LYPD6B: variants seen among roughly 807,000 people sequenced by gnomAD.
LYPD6B encodes the protein ly6/PLAUR domain-containing protein 6B.
Under a neutral mutation model 22.8 loss-of-function variants are expected in LYPD6B, and 17 were observed. That is an observed-to-expected ratio of 0.75 (90% CI 0.51 to 1.12). The LOEUF is 1.12. Among genes scored for constraint, LYPD6B ranks in the 50% most tolerant of loss-of-function variants. LYPD6B has a pLI of 0.00. For missense variants in LYPD6B, 221 were observed against 258.3 expected, an observed-to-expected ratio of 0.86 and a Z score of 0.99; for synonymous variants, 106 against 91.6, an observed-to-expected ratio of 1.16 and a Z score of -0.90.
rs141169878 is a variant in LYPD6B at position 149,117,969 on chromosome 2, C to A, written c.-66-12914C>A. Among the ~76,000 whole-genome samples, 670 of 152,272 alleles carry A rather than the reference C, an allele frequency of 4.4e-3. 9 individuals carry two copies. Among genetic ancestry groups the A allele is most frequent in the African/African-American group, 0.015 (629 of 41,546 alleles). ...CATCTGAAGGCTGGAGGATTTATTT[C>A]TAAGCTGGCAGTTGGTGTTAGCAAA... On this transcript the variant is annotated intron_variant, in intron 1 of 6. Coordinates refer to ENST00000409642, the MANE Select transcript of LYPD6B (RefSeq NM_177964.5).
chr2:149,095,661 C>A (rs1685869902), intron 1 of LYPD6B, among the ~76,000 whole-genome samples: 1 of 151,780 alleles, frequency 6.6e-6, no homozygotes, highest in Non-Finnish European at 1.5e-5. Flanking sequence ...CAGGATGGAG[C>A]AAGAGATCTC....
intron 2 of LYPD6B, among the ~76,000 whole-genome samples, chr2:149,144,124 T>A (rs535042080): frequency 6.6e-6 from 1 of 152,350 alleles, no homozygotes; most frequent in East Asian, 1.9e-4. Context: ...AAATGATGAC[T>A]TCTGCCTCAG....
In LYPD6B at chr2:149,110,500, A is replaced by G. The variant is rs182058874; in HGVS notation, c.-66-20383A>G. 3.9e-5 allele frequency among the ~76,000 whole-genome samples: 6 copies of G among 152,168 alleles called. No individual in the cohort carries two copies. The East Asian group carries it at 9.7e-4, about 25-fold the overall frequency. ...TCTTGGAAATCTTGACATTCTTTTAATGTTTGCTAGGCAGGATCATAGCAG... is the reference window on the plus strand; with the variant it reads ...TCTTGGAAATCTTGACATTCTTTTAGTGTTTGCTAGGCAGGATCATAGCAG... On this transcript the variant is annotated intron_variant, in intron 1 of 6. Transcript: ENST00000409642.
chr2:149,194,260 A>G (rs932539055), intron 3 of LYPD6B, among the ~76,000 whole-genome samples: 9 of 152,142 alleles, frequency 5.9e-5, no homozygotes, highest in Non-Finnish European at 1.0e-4. Context: ...CTTCATAGTA[A>G]AGAGGCTACT....
At chr2:149,210,944 A>G (rs1693810597) in intron 5 of LYPD6B, among the ~76,000 whole-genome samples, 1 of 152,220 alleles carries the variant, frequency 6.6e-6, no homozygotes, top group African/African-American at 2.4e-5. Context: ...TATAAAGAAA[A>G]GAGATTTAAT....
chr2:149,165,595 G>T (rs1690367809), intron 3 of LYPD6B, among the ~76,000 whole-genome samples: 1 of 152,124 alleles, frequency 6.6e-6, no homozygotes. Context: ...GAGTCCTTTA[G>T]ATATCATAAC....
chr2:149,124,091 G>A (rs962887841), intron 1 of LYPD6B, among the ~76,000 whole-genome samples: 1 of 152,160 alleles, frequency 6.6e-6, no homozygotes, highest in Non-Finnish European at 1.5e-5. Context: ...TAACCAAACA[G>A]CATACTGAAC....
chr2:149,156,214 A>C (rs1453528446), intron 2 of LYPD6B, among the ~76,000 whole-genome samples: 1 of 152,196 alleles, frequency 6.6e-6, no homozygotes, highest in Non-Finnish European at 1.5e-5. Flanking sequence ...TGGGGAAGGC[A>C]GTGGTCTCCT....
At chr2:149,146,234 A>G (rs1340379019) in intron 2 of LYPD6B, among the ~76,000 whole-genome samples, 1 of 152,178 alleles carries the variant, frequency 6.6e-6, no homozygotes. Context: ...TGAAGAGTGG[A>G]CTGTTCTGTG....
chr2:149,047,215 T>G (rs62182717), intron 1 of LYPD6B, among the ~76,000 whole-genome samples: 76,402 of 151,882 alleles, frequency 0.5, 21,579 homozygotes, highest in Non-Finnish European at 0.62. Context: ...TAATTTAACA[T>G]TTGTTGTAGT....
At chr2:149,184,982 G>A (rs1691994140) in intron 3 of LYPD6B, among the ~76,000 whole-genome samples, 1 of 152,030 alleles carries the variant, frequency 6.6e-6, no homozygotes. Flanking sequence ...TCTCTTCTTT[G>A]TTCATTCCAA....
chr2:149,132,802 A>AC (rs1216235694), intron 2 of LYPD6B, among the ~76,000 whole-genome samples: 1 of 152,214 alleles, frequency 6.6e-6, no homozygotes, highest in African/African-American at 2.4e-5. Context: ...GGTAGCAAGC[A>AC]CCAACACAGA....
chr2:149,173,349 C>CTTTTTTTTTTTTTTT lies in LYPD6B; in HGVS notation c.77+12520_77+12534dup, dbSNP rs67113716. Among the ~76,000 whole-genome samples the CTTTTTTTTTTTTTTT allele has an allele frequency of 6.7e-4, 39 of 58,482 alleles. 1 individual carries two copies. Among genetic ancestry groups the CTTTTTTTTTTTTTTT allele is most frequent in the African/African-American group, 1.1e-3 (14 of 12,682 alleles). The allele number at this position is 58,482 out of a possible 152,430, so 38.4% of individuals were successfully genotyped here. A position where few individuals can be genotyped will look rare whatever the true frequency, so the allele number is the denominator to read the frequency against. ...AGCTTGATGCTTTAGTCTGTCAGGC[C>CTTTTTTTTTTTTTTT]TTTTTTTTTTTTTTTTTTTTGCATC... On this transcript the variant is annotated intron_variant, in intron 3 of 6. Coordinates refer to ENST00000409642, the MANE Select transcript of LYPD6B (RefSeq NM_177964.5).
At chr2:149,109,552 A>G (rs1686656601) in intron 1 of LYPD6B, among the ~76,000 whole-genome samples, 1 of 152,122 alleles carries the variant, frequency 6.6e-6, no homozygotes, top group African/African-American at 2.4e-5. Flanking sequence ...CTGTAAGTTT[A>G]TAATATTCAT....
chr2:149,154,152 C>A (rs1445449780), intron 2 of LYPD6B: 7 of 245,560 alleles, frequency 2.9e-5, no homozygotes, highest in Non-Finnish European at 3.6e-5. Flanking sequence ...CAAGTTCCAA[C>A]CCCTAGTACC....
chr2:149,159,210 G>A (rs1392907475), intron 2 of LYPD6B, among the ~76,000 whole-genome samples: 1 of 151,742 alleles, frequency 6.6e-6, no homozygotes, highest in Non-Finnish European at 1.5e-5. Flanking sequence ...CCCCAAATGT[G>A]GATGATAAAG....
At position 149,214,901 on chromosome 2, in the gene LYPD6B, T is replaced by TTGGCAGGGCC. The variant is rs1201008863; in HGVS notation, c.*194_*203dup. ...AGGCCACAGGACTGAGGATGGGAAT[T>TTGGCAGGGCC]TGGCAGGGCCTGAGAAGATGGTCTG... On this transcript the variant is annotated 3_prime_UTR_variant, in exon 7 of 7. Transcript: ENST00000409642. 1.1e-5 allele frequency: 7 copies of TTGGCAGGGCC among 623,976 alleles called. No homozygotes were observed. The highest frequency in any genetic ancestry group is 2.0e-5 in the Non-Finnish European group (7 of 357,308). The allele number at this position is 623,976 out of a possible 1,614,324, so 38.7% of individuals were successfully genotyped here.
chr2:149,107,176 T>C (rs957586451), intron 1 of LYPD6B, among the ~76,000 whole-genome samples: 1 of 152,188 alleles, frequency 6.6e-6, no homozygotes, highest in African/African-American at 2.4e-5. Context: ...CTTTTTCTTC[T>C]TGTGATGATG....
chr2:149,187,594 A>G, intron 3 of LYPD6B: 4 of 1,331,590 alleles, frequency 3.0e-6, no homozygotes, highest in Non-Finnish European at 3.9e-6. Context: ...GTGCCCCGTA[A>G]ATATTGGTTG....
Sources: allele counts gnomAD v4.1 joint callset (sites outside exome capture counted in the v4.1 genomes callset), GRCh38; gene constraint gnomAD v4.1.1; transcripts MANE v1.5; gene names NCBI Gene and HGNC (gene_info 2026-07-23, HGNC 2026-07-21).